Variants in SGCD observed in about 807,000 individuals in gnomAD.
SGCD encodes sarcoglycan delta.
A neutral mutation model predicts 36.6 loss-of-function variants in SGCD; 18 were observed. The observed-to-expected ratio is 0.49, with a 90% CI of 0.34 to 0.73. SGCD has a LOEUF of 0.73. SGCD is among the 30% of genes least tolerant of loss of function. SGCD has a pLI of 0.01. For synonymous variants in SGCD, 133 were observed against 130.6 expected, an observed-to-expected ratio of 1.02 and a Z score of -0.12; for missense variants, 387 against 346.7, an observed-to-expected ratio of 1.12 and a Z score of -0.92.
chr5:155,998,232 A>T (rs1758595668), intron 1 of SGCD, among the ~76,000 whole-genome samples: 1 of 152,180 alleles, frequency 6.6e-6, no homozygotes, highest in South Asian at 2.1e-4. Flanking sequence ...TCCATCTTAA[A>T]ATAATAATAG....
chr5:156,629,855 CT>C (rs560099325), intron 6 of SGCD, among the ~76,000 whole-genome samples: 425 of 85,600 alleles, frequency 5.0e-3, no homozygotes, highest in Middle Eastern at 0.014. Flanking sequence ...GAGACTTTTT[CT>C]TTTTTTTTTT....
chr5:156,208,155 G>A (rs556152593), intron 3 of SGCD, among the ~76,000 whole-genome samples: 1 of 152,236 alleles, frequency 6.6e-6, no homozygotes, highest in Admixed American at 6.5e-5. Flanking sequence ...ATTAATCCAA[G>A]AAAGCCTTTT....
intron 7 of SGCD, among the ~76,000 whole-genome samples, chr5:156,654,366 G>A (rs1395968905): frequency 6.6e-6 from 1 of 152,110 alleles, no homozygotes; most frequent in Non-Finnish European, 1.5e-5. Context: ...AATACTGAAT[G>A]GGACTGAAAC....
chr5:155,773,031 A>G, the SGCD span, among the ~76,000 whole-genome samples: 2 of 152,134 alleles, frequency 1.3e-5, no homozygotes, highest in Non-Finnish European at 2.9e-5. Flanking sequence ...AAGTATTACT[A>G]TGCTGCTGTC....
At chr5:155,875,183 T>C (rs1755738845) in intron 1 of SGCD, among the ~76,000 whole-genome samples, 1 of 152,146 alleles carries the variant, frequency 6.6e-6, no homozygotes, top group Non-Finnish European at 1.5e-5. Context: ...AGCCCATTTA[T>C]ATAGAATCTC....
chr5:156,605,014 T>G (rs549733687), intron 6 of SGCD, among the ~76,000 whole-genome samples: 97 of 151,910 alleles, frequency 6.4e-4, no homozygotes, highest in African/African-American at 2.3e-3. Flanking sequence ...TTGAGTTTGA[T>G]TATGAATTTA....
At chr5:156,033,360 A>T (rs1019726192) in intron 1 of SGCD, among the ~76,000 whole-genome samples, 2 of 152,238 alleles carry the variant, frequency 1.3e-5, no homozygotes, top group East Asian at 1.9e-4. Context: ...TATACTTAAT[A>T]GGTAATTTTT....
intron 7 of SGCD, among the ~76,000 whole-genome samples, chr5:156,756,615 T>G (rs955919078): frequency 1.3e-5 from 2 of 152,224 alleles, no homozygotes; most frequent in Non-Finnish European, 2.9e-5. Context: ...ATTATATGAA[T>G]TAGGCAAAAA....
intron 6 of SGCD, among the ~76,000 whole-genome samples, chr5:156,610,403 T>A (rs60774908): frequency 0.052 from 7,900 of 152,242 alleles, 684 homozygotes; most frequent in African/African-American, 0.18. Context: ...TTCCTCTGGA[T>A]CTTTTGTCTC....
chr5:156,706,163 T>C (rs1243537775), intron 7 of SGCD, among the ~76,000 whole-genome samples: 4 of 152,188 alleles, frequency 2.6e-5, no homozygotes, highest in African/African-American at 9.7e-5. Flanking sequence ...ATAAGGATTA[T>C]TATTTTTAAG....
chr5:156,216,566 T>G (rs1016920689), intron 3 of SGCD, among the ~76,000 whole-genome samples: 1 of 152,208 alleles, frequency 6.6e-6, no homozygotes, highest in African/African-American at 2.4e-5. Context: ...TCACTACCCA[T>G]GAGTCTCTTG....
chr5:156,045,352 G>T (rs745892439), intron 1 of SGCD, among the ~76,000 whole-genome samples: 2 of 152,028 alleles, frequency 1.3e-5, no homozygotes, highest in Non-Finnish European at 2.9e-5. Flanking sequence ...TTTGTGATCT[G>T]TGCATTTTCC....
chr5:155,864,319 C>T, the SGCD span, among the ~76,000 whole-genome samples: 1 of 151,930 alleles, frequency 6.6e-6, no homozygotes, highest in Non-Finnish European at 1.5e-5. Flanking sequence ...TCAGAGCTAG[C>T]CACAAAGATA....
chr5:156,694,397 C>G (rs1400282299), intron 7 of SGCD, among the ~76,000 whole-genome samples: 2 of 152,190 alleles, frequency 1.3e-5, no homozygotes, highest in Non-Finnish European at 2.9e-5. Context: ...TGAACAATAG[C>G]CAACTCGATT....
At chr5:155,764,678 G>A in the SGCD span, among the ~76,000 whole-genome samples, 1 of 152,172 alleles carries the variant, frequency 6.6e-6, no homozygotes, top group Non-Finnish European at 1.5e-5. Flanking sequence ...CTCCGCATCT[G>A]TAGGGTGGGG....
intron 7 of SGCD, among the ~76,000 whole-genome samples, chr5:156,654,091 A>C (rs961682506): frequency 5.3e-5 from 8 of 152,154 alleles, no homozygotes; most frequent in Non-Finnish European, 1.2e-4. Flanking sequence ...AGGCAGATTG[A>C]TGGCAGAAAA....
chr5:155,777,827 C>T, the SGCD span, among the ~76,000 whole-genome samples: 2 of 152,086 alleles, frequency 1.3e-5, no homozygotes, highest in African/African-American at 4.8e-5. Flanking sequence ...AATCCATATG[C>T]TCAACAATGT....
chr5:156,381,410 C>G (rs1770967442), intron 3 of SGCD, among the ~76,000 whole-genome samples: 1 of 151,950 alleles, frequency 6.6e-6, no homozygotes, highest in African/African-American at 2.4e-5. Flanking sequence ...TCAAATTGGT[C>G]TTTTATACAG....
chr5:156,206,406 T>G (rs1186964833), intron 3 of SGCD, among the ~76,000 whole-genome samples: 3 of 152,002 alleles, frequency 2.0e-5, no homozygotes, highest in East Asian at 1.9e-4. Context: ...TGAATATATA[T>G]AGAGTATTCT....
Sources: allele counts gnomAD v4.1 joint callset (sites outside exome capture counted in the v4.1 genomes callset), GRCh38; gene constraint gnomAD v4.1.1; transcripts MANE v1.5; gene names NCBI Gene and HGNC (gene_info 2026-07-23, HGNC 2026-07-21).